CTNND2: variants seen among roughly 807,000 people sequenced by gnomAD.
CTNND2 encodes catenin delta-2.
CTNND2 carries 22 observed loss-of-function variants against 144.4 expected under a neutral mutation model. That is an observed-to-expected ratio of 0.15 (90% CI 0.11 to 0.22). The LOEUF (loss-of-function observed/expected upper bound fraction) is 0.22. CTNND2 is among the 10% of genes least tolerant of loss of function. The pLI, the probability that CTNND2 is intolerant of heterozygous loss-of-function variation, is 1.00. For synonymous variants in CTNND2, 751 were observed against 695.6 expected, an observed-to-expected ratio of 1.08 and a Z score of -1.25; for missense variants, 1,353 against 1,618.8, an observed-to-expected ratio of 0.84 and a Z score of 2.82.
intron 2 of CTNND2, among the ~76,000 whole-genome samples, chr5:11,613,991 T>G (rs1259583569): frequency 6.6e-6 from 1 of 152,232 alleles, no homozygotes; most frequent in Non-Finnish European, 1.5e-5. Context: ...AAAATATACA[T>G]GCATTTATGT....
At chr5:11,787,396 C>G (rs958214806) in intron 1 of CTNND2, among the ~76,000 whole-genome samples, 8 of 152,178 alleles carry the variant, frequency 5.3e-5, no homozygotes, top group Non-Finnish European at 2.9e-5. Flanking sequence ...GCATGACTTA[C>G]TAGAAACTAT....
intron 1 of CTNND2, among the ~76,000 whole-genome samples, chr5:11,744,735 A>G (rs73045116): frequency 0.019 from 2,883 of 150,798 alleles, 87 homozygotes; most frequent in African/African-American, 0.062. Context: ...GTGTATTTCT[A>G]TTTTATTATT....
chr5:11,451,160 G>A (rs1765280876), intron 3 of CTNND2, among the ~76,000 whole-genome samples: 1 of 151,872 alleles, frequency 6.6e-6, no homozygotes, highest in South Asian at 2.1e-4. Flanking sequence ...AAATTAACCA[G>A]AGACACTGTT....
intron 12 of CTNND2, among the ~76,000 whole-genome samples, chr5:11,130,266 C>CA (rs1034701735): frequency 6.6e-6 from 1 of 152,058 alleles, no homozygotes. Flanking sequence ...CACACCCCCC[C>CA]CATCCACCCA....
chr5:11,552,192 T>C (rs184472313), intron 3 of CTNND2, among the ~76,000 whole-genome samples: 1 of 152,334 alleles, frequency 6.6e-6, no homozygotes. Context: ...TATTTTCTTT[T>C]AATGGAACCA....
chr5:11,754,571 A>C (rs1221844069), intron 1 of CTNND2, among the ~76,000 whole-genome samples: 1 of 151,604 alleles, frequency 6.6e-6, no homozygotes, highest in East Asian at 1.9e-4. Context: ...ATCTTCCTCT[A>C]TTATTGTGTG....
chr5:11,253,897 C>G (rs1484144861), intron 9 of CTNND2, among the ~76,000 whole-genome samples: 1 of 152,164 alleles, frequency 6.6e-6, no homozygotes, highest in Non-Finnish European at 1.5e-5. Context: ...TAAATAAGGT[C>G]TGATACAAAA....
chr5:11,364,856 C>T lies in CTNND2; in HGVS notation c.1212G>A (p.Gly404=). The T allele has an allele frequency of 6.2e-7, 1 of 1,612,914 alleles. No homozygotes were observed. Among genetic ancestry groups the T allele is most frequent in the South Asian group, 1.1e-5 (1 of 90,934 alleles). Residue 404 remains glycine (G), a synonymous_variant, in exon 8 of 22, where the codon GGG becomes GGA. Coordinates refer to ENST00000304623, the MANE Select transcript of CTNND2 (RefSeq NM_001332.4). ...GSRASYSSQH[G]HLGPELRALQ... is the part of the protein sequence containing the mutation. ...GGGCCCGCAACTCTGGGCCCAGGTG[C>T]CCATGCTGGCTGCTGTATGAGGCTC...
chr5:11,835,315 T>A (rs1271752271), intron 1 of CTNND2, among the ~76,000 whole-genome samples: 2 of 152,208 alleles, frequency 1.3e-5, no homozygotes, highest in African/African-American at 4.8e-5. Context: ...TGTGGCCTCA[T>A]AAAATGAGTT....
intron 1 of CTNND2, among the ~76,000 whole-genome samples, chr5:11,883,256 C>A (rs114138407): frequency 6.6e-6 from 1 of 152,024 alleles, no homozygotes; most frequent in East Asian, 1.9e-4. Context: ...TAGGTATACA[C>A]GTGACATGGT....
chr5:11,591,052 C>T (rs904280508), intron 2 of CTNND2, among the ~76,000 whole-genome samples: 6 of 152,216 alleles, frequency 3.9e-5, no homozygotes, highest in Non-Finnish European at 7.3e-5. Context: ...TCATGGGTGC[C>T]TGTCTTTCCT....
At chr5:11,797,401 CT>C (rs1207611220) in intron 1 of CTNND2, among the ~76,000 whole-genome samples, 3 of 152,162 alleles carry the variant, frequency 2.0e-5, no homozygotes, top group Admixed American at 1.3e-4. Flanking sequence ...TTAATTTTCC[CT>C]CATTTTGGAT....
At chr5:11,618,990 T>C (rs758140006) in intron 2 of CTNND2, among the ~76,000 whole-genome samples, 1 of 152,238 alleles carries the variant, frequency 6.6e-6, no homozygotes, top group Non-Finnish European at 1.5e-5. Flanking sequence ...TCAAGAAATA[T>C]ATTTTGCAAA....
At chr5:11,512,856 AG>A (rs751171233) in intron 3 of CTNND2, among the ~76,000 whole-genome samples, 2 of 152,226 alleles carry the variant, frequency 1.3e-5, no homozygotes, top group Non-Finnish European at 2.9e-5. Flanking sequence ...CTTTGAGCAA[AG>A]TCTGCAGGAG....
chr5:11,168,749 G>C (rs574123928), intron 11 of CTNND2, among the ~76,000 whole-genome samples: 1 of 151,972 alleles, frequency 6.6e-6, no homozygotes, highest in African/African-American at 2.4e-5. Flanking sequence ...TTTGTGCCCT[G>C]AATTACATAC....
intron 11 of CTNND2, among the ~76,000 whole-genome samples, chr5:11,166,807 A>G (rs968842472): frequency 6.6e-6 from 1 of 152,164 alleles, no homozygotes; most frequent in Non-Finnish European, 1.5e-5. Context: ...GGCCCCGAGA[A>G]GCAATAACCC....
chr5:11,498,186 T>C (rs1374769465), intron 3 of CTNND2, among the ~76,000 whole-genome samples: 1 of 152,014 alleles, frequency 6.6e-6, no homozygotes, highest in Non-Finnish European at 1.5e-5. Context: ...ACTGCCACAA[T>C]AACAGACTAA....
At chr5:11,208,734 G>A (rs539942675) in intron 10 of CTNND2, among the ~76,000 whole-genome samples, 5 of 152,244 alleles carry the variant, frequency 3.3e-5, no homozygotes, top group African/African-American at 1.2e-4. Flanking sequence ...CTACTGGGAA[G>A]ACCTAAGGTT....
At chr5:11,291,003 C>T (rs950631561) in intron 9 of CTNND2, among the ~76,000 whole-genome samples, 26 of 152,078 alleles carry the variant, frequency 1.7e-4, no homozygotes, top group Non-Finnish European at 2.5e-4. Flanking sequence ...AATCATGCTA[C>T]TGGGGAGAGA....
Sources: gnomAD v4.1 joint callset for allele counts (sites outside exome capture counted in the v4.1 genomes callset) on GRCh38, gnomAD v4.1.1 for gene constraint, MANE v1.5 for transcripts, NCBI Gene and HGNC (gene_info 2026-07-23, HGNC 2026-07-21) for gene names.